Variants in IZUMO1R observed in about 807,000 individuals in gnomAD.
IZUMO1R encodes the protein sperm-egg fusion protein Juno.
A neutral mutation model predicts 22.1 loss-of-function variants in IZUMO1R; 24 were observed. That is an observed-to-expected ratio of 1.09 (90% CI 0.79 to 1.53). IZUMO1R has a LOEUF of 1.53. IZUMO1R is among the 40% of genes most tolerant of loss of function. The probability of loss-of-function intolerance (pLI) is 0.00; values close to 1 mark genes in which losing one functional copy is unlikely to be tolerated. For missense variants in IZUMO1R, 308 were observed against 314.9 expected, an observed-to-expected ratio of 0.98 and a Z score of 0.17; for synonymous variants, 133 against 121.2, an observed-to-expected ratio of 1.10 and a Z score of -0.64.
In IZUMO1R at chr11:94,306,724, T is replaced by G; in HGVS notation, c.348+2T>G. 2 of 1,613,378 alleles carry G rather than the reference T, an allele frequency of 1.2e-6. No individual in the cohort carries two copies. The highest frequency in any genetic ancestry group is 2.2e-5 in the South Asian group (2 of 91,026). On this transcript the variant is annotated splice_donor_variant, in intron 3 of 4. Coordinates refer to ENST00000687084, the MANE Select transcript of IZUMO1R (RefSeq NM_001199206.4). LOFTEE classifies it high-confidence loss of function. ...CCAGTGGGAAGCCTGGGGTGGGAGG[T>G]AGGAAGCAGATCTGTGCCATGCCCT...
At position 94,307,575 on chromosome 11, in the gene IZUMO1R, G is replaced by A. The variant is rs939611046; in HGVS notation, c.636G>A (p.Glu212=). The A allele has an allele frequency of 6.2e-7, 1 of 1,613,838 alleles. No homozygotes were observed. The highest frequency in any genetic ancestry group is 1.7e-5 in the Admixed American group (1 of 60,026). ...GGCGGTGTCTCCAGAAGTGGTTTGA[G>A]CCTGCTCAGGGCAACCCCAATGTGG... ...NSGRCLQKWF[E]PAQGNPNVAV... The change falls in exon 5 of 5, where the codon GAG becomes GAA. Residue 212 remains glutamate, a synonymous_variant. Transcript: ENST00000687084.
intron 1 of IZUMO1R, among the ~76,000 whole-genome samples, chr11:94,305,337 T>C (rs1944003676): frequency 6.6e-6 from 1 of 152,202 alleles, no homozygotes; most frequent in Admixed American, 6.5e-5. Flanking sequence ...ATTCCTGTGA[T>C]GGGGATCAGG....
In IZUMO1R at chr11:94,304,893, G is replaced by A. The variant is rs1012036560; in HGVS notation, c.-7+14G>A. On this transcript the variant is annotated intron_variant, in intron 1 of 4. Coordinates refer to ENST00000687084, the MANE Select transcript of IZUMO1R (RefSeq NM_001199206.4). ...CCTGCCTTGAAAGTGAGTATGAAGA[G>A]AGTGCTGGAAGGGGCAGCATCTTTC... Among the ~76,000 whole-genome samples, 1 of 152,152 alleles carries A rather than the reference G, an allele frequency of 6.6e-6. No homozygotes were observed. Among genetic ancestry groups the A allele is most frequent in the Non-Finnish European group, 1.5e-5 (1 of 68,016 alleles).
At chr11:94,307,122 C>A in intron 3 of IZUMO1R, 43 bp from the exon 4 acceptor site, 1 of 1,562,084 alleles carries the variant, frequency 6.4e-7, no homozygotes, top group South Asian at 1.2e-5. Flanking sequence ...GTCTTCACAT[C>A]TCTGCTATTA....
chr11:94,307,193 T>C lies in IZUMO1R; in HGVS notation c.377T>C (p.Val126Ala), dbSNP rs762680912. The change falls in exon 4 of 5, where the codon GTT (valine) becomes GCT (alanine). Residue 126 changes from valine (V) to alanine (A), a missense_variant. Transcript: ENST00000687084. Reference protein sequence around the residue: ...EVAPSGQGERVVNVPLCQEDC... With the variant: ...EVAPSGQGERAVNVPLCQEDC... ...GCCCCGAGTGGGCAGGGAGAGCGAG[T>C]TGTGAATGTGCCGCTGTGCCAGGAG... 8 of 1,601,308 alleles carry C rather than the reference T, an allele frequency of 5.0e-6. No individual in the cohort carries two copies. The East Asian group carries it at 1.8e-4, about 36-fold the overall frequency.
chr11:94,307,035 TA>T, intron 3 of IZUMO1R, 129 bp from the exon 4 acceptor site: 1 of 1,136,432 alleles, frequency 8.8e-7, no homozygotes, highest in Non-Finnish European at 1.2e-6. Context: ...GTATTATTTG[TA>T]AAATAACACT....
In IZUMO1R at chr11:94,306,590, C is replaced by T; in HGVS notation, c.216C>T (p.Tyr72=). The change falls in exon 3 of 5, where the codon TAC becomes TAT. Residue 72 remains tyrosine (Y), a synonymous_variant. Coordinates refer to ENST00000687084, the MANE Select transcript of IZUMO1R (RefSeq NM_001199206.4). ...CCCATCTGGATGTATCCCCACTCTA[C>T]AACTTCAGCCTGTTTCACTGTGGAC... ...WEAHLDVSPL[Y]NFSLFHCGLL... The T allele has an allele frequency of 6.2e-7, 1 of 1,614,024 alleles. No individual in the cohort carries two copies. Among genetic ancestry groups the T allele is most frequent in the Non-Finnish European group, 8.5e-7 (1 of 1,179,888 alleles).
At position 94,305,631 on chromosome 11, in the gene IZUMO1R, C is replaced by T. The variant is rs375252304; in HGVS notation, c.-6C>T. 5.6e-6 allele frequency: 9 copies of T among 1,612,356 alleles called. No homozygotes were observed. The African/African-American group carries it at 9.4e-5, about 17-fold the overall frequency. On this transcript the variant is annotated splice_region_variant and 5_prime_UTR_variant, in exon 2 of 5. It introduces an in-frame stop codon into an upstream open reading frame of the 5' UTR. Coordinates refer to ENST00000687084, the MANE Select transcript of IZUMO1R (RefSeq NM_001199206.4). ...GTGTGCAGCATGGGTCTCTCTGTAG[C>T]AGGCCATGGCATGCTGGTGGCCGCT... is the stretch of plus-strand genomic sequence containing the variant.
rs56292855 is a variant in IZUMO1R at position 94,307,965 on chromosome 11, G to C, written c.*273G>C. 0.09 allele frequency among the ~76,000 whole-genome samples: 13,737 copies of C among 152,020 alleles called. 1,719 individuals are homozygous for C. Among genetic ancestry groups the C allele is most frequent in the African/African-American group, 0.28 (11,622 of 41,414 alleles). ...TCTATCTTAGCTGGCCTAGGAGGCAGCTGGGGGCTGGAAGTGCCAAGGTGA... is the reference window on the plus strand; with the variant it reads ...TCTATCTTAGCTGGCCTAGGAGGCACCTGGGGGCTGGAAGTGCCAAGGTGA... On this transcript the variant is annotated 3_prime_UTR_variant, in exon 5 of 5. Coordinates refer to ENST00000687084, the MANE Select transcript of IZUMO1R (RefSeq NM_001199206.4).
intron 3 of IZUMO1R, 112 bp downstream of exon 3, chr11:94,306,834 C>A: frequency 8.9e-7 from 1 of 1,127,434 alleles, no homozygotes; most frequent in Admixed American, 2.0e-5. Flanking sequence ...TGTTATTTCC[C>A]TATGGACAAG....
At position 94,308,104 on chromosome 11, in the gene IZUMO1R, C is replaced by T. The variant is rs1944043500; in HGVS notation, c.*412C>T. 1.3e-5 allele frequency among the ~76,000 whole-genome samples: 2 copies of T among 151,888 alleles called. No individual in the cohort carries two copies. Among genetic ancestry groups the T allele is most frequent in the Admixed American group, 1.3e-4 (2 of 15,274 alleles). On this transcript the variant is annotated 3_prime_UTR_variant, in exon 5 of 5. Transcript: ENST00000687084. ...AGCTGATGGTGGCAGACCTGGCCTC[C>T]CATCCTCCGACGGTGTCTTCAATAA...
rs372268828 is a variant in IZUMO1R, at chr11:94,307,603, G to A, written c.664G>A (p.Val222Met). 2.6e-5 allele frequency: 42 copies of A among 1,613,696 alleles called. No individual in the cohort carries two copies. Among genetic ancestry groups the A allele is most frequent in the Admixed American group, 5.0e-5 (3 of 60,006 alleles). Reference sequence around the variant, plus strand: ...TGCTCAGGGCAACCCCAATGTGGCCGTGGCCCGCCTCTTCGCCAGCTCTGC... The same window carrying A: ...TGCTCAGGGCAACCCCAATGTGGCCATGGCCCGCCTCTTCGCCAGCTCTGC... ...EPAQGNPNVAVARLFASSAPS... is the reference protein window; with the variant it reads ...EPAQGNPNVAMARLFASSAPS... The change falls in exon 5 of 5, where the codon GTG becomes ATG. Residue 222 changes from valine to methionine, a missense_variant. By Grantham distance (21) the Val-to-Met change is conservative. Transcript: ENST00000687084.
At position 94,307,209 on chromosome 11, in the gene IZUMO1R, G is replaced by T. The variant is rs780717844; in HGVS notation, c.393G>T (p.Leu131=). 1 of 1,604,978 alleles carries T rather than the reference G, an allele frequency of 6.2e-7. No homozygotes were observed. Among genetic ancestry groups the T allele is most frequent in the African/African-American group, 1.3e-5 (1 of 74,860 alleles). Residue 131 remains leucine, a synonymous_variant, in exon 4 of 5, where the codon CTG becomes CTT. Transcript: ENST00000687084. ...GQGERVVNVP[L]CQEDCEEWWE... ...GAGAGCGAGTTGTGAATGTGCCGCT[G>T]TGCCAGGAGGACTGTGAGGAGTGGT...
At position 94,307,751 on chromosome 11, in the gene IZUMO1R, C is replaced by A; in HGVS notation, c.*59C>A. 6.4e-7 allele frequency: 1 copy of A among 1,567,566 alleles called. No individual in the cohort carries two copies. Among genetic ancestry groups the A allele is most frequent in the Non-Finnish European group, 8.7e-7 (1 of 1,146,334 alleles). The stretch of plus-strand genomic sequence containing the variant: ...TCCACCAACTGTGGGTCAGGCCAGG[C>A]CATGGCCTACCTCCTTCCTCAGGCC... On this transcript the variant is annotated 3_prime_UTR_variant, in exon 5 of 5. Transcript: ENST00000687084.
At position 94,305,613 on chromosome 11, in the gene IZUMO1R, G is replaced by A. The variant is rs1944007221; in HGVS notation, c.-6-18G>A. 6.2e-7 allele frequency: 1 copy of A among 1,611,704 alleles called. No individual in the cohort carries two copies. Among genetic ancestry groups the A allele is most frequent in the Non-Finnish European group, 8.5e-7 (1 of 1,179,484 alleles). On this transcript the variant is annotated intron_variant, in intron 1 of 4. Transcript: ENST00000687084. Reference sequence around the variant, plus strand: ...GGGTGTCATTTCCATCAAGTGTGCAGCATGGGTCTCTCTGTAGCAGGCCAT... The same window carrying A: ...GGGTGTCATTTCCATCAAGTGTGCAACATGGGTCTCTCTGTAGCAGGCCAT...
chr11:94,307,842 T>A lies in IZUMO1R; in HGVS notation c.*150T>A. 1.9e-5 allele frequency: 4 copies of A among 215,458 alleles called. No individual in the cohort carries two copies. The highest frequency in any genetic ancestry group is 3.5e-5 in the Non-Finnish European group (4 of 113,558). The allele number at this position is 215,458 out of a possible 1,614,324, so 13.3% of individuals were successfully genotyped here. ...CACCCAGTCTAGCCCATGCCACTGC[T>A]TTTAGGGGAGGGCCTGAGGAAGGAA... On this transcript the variant is annotated 3_prime_UTR_variant, in exon 5 of 5. Coordinates refer to ENST00000687084, the MANE Select transcript of IZUMO1R (RefSeq NM_001199206.4).
chr11:94,305,500 A>T (rs1253938781), intron 1 of IZUMO1R, 131 bp from the exon 2 acceptor site: 1 of 1,086,456 alleles, frequency 9.2e-7, no homozygotes, highest in Non-Finnish European at 1.4e-6. Flanking sequence ...AGAAGGTCCT[A>T]GGAGCAGCCA....
At chr11:94,307,055 T>C in intron 3 of IZUMO1R, 110 bp from the exon 4 acceptor site, 1 of 1,275,928 alleles carries the variant, frequency 7.8e-7, no homozygotes, top group South Asian at 1.4e-5. Context: ...CTTAGAGGCT[T>C]TATGGAAGAT....
At chr11:94,305,526 T>A in intron 1 of IZUMO1R, 105 bp from the exon 2 acceptor site, 1 of 1,337,580 alleles carries the variant, frequency 7.5e-7, no homozygotes, top group Non-Finnish European at 1.0e-6. Flanking sequence ...TTGCAATTAT[T>A]TGAGGGAGAT....
Sources: allele counts gnomAD v4.1 joint callset (sites outside exome capture counted in the v4.1 genomes callset), GRCh38; gene constraint gnomAD v4.1.1; transcripts MANE v1.5; gene names NCBI Gene and HGNC (gene_info 2026-07-23, HGNC 2026-07-21).